The following VPS29 variants were observed in gnomAD, a reference collection of about 807,000 sequenced individuals.
VPS29 encodes VPS29 retromer complex component.
In VPS29, 2 loss-of-function variants were observed where a neutral mutation model predicts 20.0. The observed-to-expected ratio is 0.10, with a 90% CI of 0.04 to 0.31. The LOEUF is 0.31. VPS29 is among the 10% of genes least tolerant of loss of function. VPS29 has a pLI of 1.00. For missense variants in VPS29, 120 were observed against 215.3 expected, an observed-to-expected ratio of 0.56 and a Z score of 2.77; for synonymous variants, 81 against 79.3, an observed-to-expected ratio of 1.02 and a Z score of -0.12.
At chr12:110,501,508 A>G (rs766439942) in intron 1 of VPS29, 4 of 1,535,456 alleles carry the variant, frequency 2.6e-6, no homozygotes, top group East Asian at 2.4e-5. Flanking sequence ...GCTCATCTCA[A>G]TGGCAGCTAG....
chr12:110,499,411 CA>C (rs1196726352), intron 1 of VPS29: 64 of 1,378,720 alleles, frequency 4.6e-5, no homozygotes, highest in Non-Finnish European at 5.6e-5. Context: ...AATAAAGAGC[CA>C]ACCCAATCAA....
chr12:110,492,966 C>A, intron 3 of VPS29, 30 bp downstream of exon 3: 1 of 1,562,306 alleles, frequency 6.4e-7, no homozygotes, highest in Non-Finnish European at 8.7e-7. Context: ...TTACTAAAGC[C>A]CCCAAATTCC....
At position 110,497,207 on chromosome 12, in the gene VPS29, CTTTTTTT is replaced by C. The variant is rs71083128; in HGVS notation, c.4-1011_4-1005del. Among the ~76,000 whole-genome samples, 6 of 77,212 alleles carry C rather than the reference CTTTTTTT, an allele frequency of 7.8e-5. No individual in the cohort carries two copies. The East Asian group carries it at 1.7e-3, about 22-fold the overall frequency. The allele number at this position is 77,212 out of a possible 152,430, so 50.7% of individuals were successfully genotyped here. A position where few individuals can be genotyped will look rare whatever the true frequency, so the allele number is the denominator to read the frequency against. ...AAAATTTTAATTTAAAAATTTCTTTCTTTTTTTTTTTTTTTTTTTTTTTTTTTGAGAC... is the reference window on the plus strand; with the variant it reads ...AAAATTTTAATTTAAAAATTTCTTTCTTTTTTTTTTTTTTTTTTTTGAGAC... On this transcript the variant is annotated intron_variant, in intron 1 of 3. Coordinates refer to ENST00000549578, the MANE Select transcript of VPS29 (RefSeq NM_016226.5).
chr12:110,494,775 A>G (rs889158378), intron 2 of VPS29, among the ~76,000 whole-genome samples: 2 of 152,010 alleles, frequency 1.3e-5, no homozygotes, highest in African/African-American at 2.4e-5. Context: ...GCTGGAGTGC[A>G]GTGGCACAAT....
chr12:110,498,840 A>G, intron 1 of VPS29: 1 of 984,510 alleles, frequency 1.0e-6, no homozygotes, highest in Non-Finnish European at 1.2e-6. Flanking sequence ...AACAATCTTC[A>G]TTTTAGAGGG....
chr12:110,493,175 C>T lies in VPS29; in HGVS notation c.252G>A (p.Leu84=), dbSNP rs990837403. The change falls in exon 3 of 4, where the codon CTG becomes CTA. Residue 84 remains leucine, a synonymous_variant. Coordinates refer to ENST00000549578, the MANE Select transcript of VPS29 (RefSeq NM_016226.5). ...ATGGAATAACTTGATGTCCATGGAT[C>T]AGACCAATTTTGAACTGTCCAACAG... ...VVTVGQFKIG[L]IHGHQVIPWG... 1 of 1,609,312 alleles carries T rather than the reference C, an allele frequency of 6.2e-7. No homozygotes were observed. Among genetic ancestry groups the T allele is most frequent in the African/African-American group, 1.3e-5 (1 of 74,880 alleles).
intron 1 of VPS29, among the ~76,000 whole-genome samples, chr12:110,497,850 A>ATGGCAC (rs560709472): frequency 1.3e-5 from 2 of 151,854 alleles, no homozygotes; most frequent in Non-Finnish European, 2.9e-5. Context: ...GTGAGCTGAG[A>ATGGCAC]TGGCACTGGC....
At chr12:110,496,690 A>G (rs1565861567) in intron 1 of VPS29, 1 of 152,372 alleles carries the variant, frequency 6.6e-6, no homozygotes, top group Non-Finnish European at 1.5e-5. Context: ...CAGTTGTAAC[A>G]TGAAATGATA....
intron 2 of VPS29, among the ~76,000 whole-genome samples, chr12:110,495,775 CT>C (rs2062896881): frequency 6.6e-6 from 1 of 151,738 alleles, no homozygotes; most frequent in Non-Finnish European, 1.5e-5. Flanking sequence ...AACAAAGCCA[CT>C]TTTATTCAGT....
chr12:110,494,316 G>T (rs1362241957), intron 2 of VPS29, among the ~76,000 whole-genome samples: 4 of 145,588 alleles, frequency 2.7e-5, no homozygotes, highest in Non-Finnish European at 4.5e-5. Flanking sequence ...GCAGTGGCGC[G>T]ATCTCGGCTC....
At chr12:110,495,538 C>T (rs186632024) in intron 2 of VPS29, among the ~76,000 whole-genome samples, 360 of 151,988 alleles carry the variant, frequency 2.4e-3, no homozygotes, top group Middle Eastern at 3.4e-3. Flanking sequence ...CGGCAAAACG[C>T]CATCTCTACT....
intron 1 of VPS29, among the ~76,000 whole-genome samples, chr12:110,498,363 C>T (rs961734446): frequency 1.1e-4 from 17 of 152,192 alleles, no homozygotes; most frequent in African/African-American, 4.1e-4. Flanking sequence ...CATAAATGTA[C>T]ATGCCCTTTA....
Position 110,501,668 on chromosome 12 carries a change from C to A in VPS29, c.3+381G>T, listed in dbSNP as rs1409958524. The stretch of plus-strand genomic sequence containing the variant: ...CCCAACCAGCGGGAGGTGCTTTTTG[C>A]GGGAAACGAGTAGGAACCGTCTGGA... On this transcript the variant is annotated intron_variant, in intron 1 of 3. Transcript: ENST00000549578. The A allele has an allele frequency of 3.3e-6, 5 of 1,509,276 alleles. No homozygotes were observed. The African/African-American group carries it at 4.1e-5, about 12-fold the overall frequency. 93.5% of individuals were successfully genotyped at this position (1,509,276 alleles called of 1,614,324 possible).
intron 2 of VPS29, 86 bp downstream of exon 2, chr12:110,495,926 T>G: frequency 1.0e-5 from 13 of 1,296,260 alleles, no homozygotes; most frequent in African/African-American, 1.5e-5. Flanking sequence ...CCTTACCAGT[T>G]GAGAAACCCT....
At chr12:110,492,594 TTTTATTTTA>T (rs916908255) in intron 3 of VPS29, among the ~76,000 whole-genome samples, 7 of 142,562 alleles carry the variant, frequency 4.9e-5, no homozygotes, top group Non-Finnish European at 9.1e-5. Flanking sequence ...TCACATTTAT[TTTTATTTTA>T]TTTATTTATT....
intron 3 of VPS29, 83 bp from the exon 4 acceptor site, chr12:110,492,205 AT>A: frequency 9.3e-7 from 1 of 1,071,354 alleles, no homozygotes; most frequent in East Asian, 2.4e-5. Context: ...GACTATTTGG[AT>A]TCAGAGAAAT....
rs568891742 is a variant in VPS29 at position 110,501,275 on chromosome 12, G to C, written c.3+774C>G. Reference sequence around the variant, plus strand: ...AGGTCTGAGGGGCACCAAACTACTGGGGGTGAAGGGGTGATTGCTTGAAGG... The same window carrying C: ...AGGTCTGAGGGGCACCAAACTACTGCGGGTGAAGGGGTGATTGCTTGAAGG... On this transcript the variant is annotated intron_variant, in intron 1 of 3. Transcript: ENST00000549578. The C allele has an allele frequency of 7.5e-5, 79 of 1,060,166 alleles. 1 individual carries two copies. The South Asian group carries it at 1.1e-3, about 15-fold the overall frequency. 65.7% of individuals were successfully genotyped at this position (1,060,166 alleles called of 1,614,324 possible). A position where few individuals can be genotyped will look rare whatever the true frequency, so the allele number is the denominator to read the frequency against.
In VPS29 at chr12:110,491,938, A is replaced by G; in HGVS notation, c.*67T>C. On this transcript the variant is annotated 3_prime_UTR_variant, in exon 4 of 4. Transcript: ENST00000549578. ...AGTGATACAATTTTGTGGCTCTTAA[A>G]TGTTTAATTACTTGATTTCAACAGG... 1 of 1,146,636 alleles carries G rather than the reference A, an allele frequency of 8.7e-7. No homozygotes were observed. Among genetic ancestry groups the G allele is most frequent in the Admixed American group, 1.9e-5 (1 of 52,220 alleles). The allele number at this position is 1,146,636 out of a possible 1,614,324, so 71.0% of individuals were successfully genotyped here.
In VPS29 at chr12:110,496,078, T is replaced by C. The variant is rs762685040; in HGVS notation, c.129A>G (p.Lys43=). ...GAGTCTTGAGATAGTCATAACTCTC[T>C]TTGGTGCAAAGGTTTCCTGTGCAGA... ...HILCTGNLCT[K]ESYDYLKTLA... Residue 43 remains lysine, a synonymous_variant, in exon 2 of 4, where the codon AAA becomes AAG. Transcript: ENST00000549578. The C allele has an allele frequency of 4.2e-5, 67 of 1,613,554 alleles. No homozygotes were observed. Among genetic ancestry groups the C allele is most frequent in the Middle Eastern group, 3.3e-4 (2 of 6,084 alleles).
Sources: gnomAD v4.1 joint callset for allele counts (sites outside exome capture counted in the v4.1 genomes callset) on GRCh38, gnomAD v4.1.1 for gene constraint, MANE v1.5 for transcripts, NCBI Gene and HGNC (gene_info 2026-07-23, HGNC 2026-07-21) for gene names.